Variants in MAF observed in about 807,000 individuals in gnomAD.
MAF encodes the protein MAF bZIP transcription factor.
In MAF, 10 loss-of-function variants were observed where a neutral mutation model predicts 22.0. That is an observed-to-expected ratio of 0.45 (90% CI 0.28 to 0.77). The LOEUF is 0.77. Ranked by LOEUF, MAF falls within the 30% of genes least tolerant of loss-of-function variation. MAF has a pLI of 0.12. For missense variants in MAF, 544 were observed against 548.4 expected, an observed-to-expected ratio of 0.99 and a Z score of 0.08; for synonymous variants, 337 against 255.8, an observed-to-expected ratio of 1.32 and a Z score of -3.03.
the MAF span, among the ~76,000 whole-genome samples, chr16:79,455,078 A>C: frequency 1.9e-3 from 292 of 151,812 alleles, no homozygotes; most frequent in African/African-American, 6.5e-3. Context: ...CCTGGGCAAC[A>C]AGAGCGAAAC....
chr16:79,505,499 C>T, the MAF span: 12 of 152,336 alleles, frequency 7.9e-5, no homozygotes, highest in Non-Finnish European at 1.8e-4. Flanking sequence ...GGGGAAGAGT[C>T]CTCTGATCAC....
the MAF span, among the ~76,000 whole-genome samples, chr16:79,226,555 C>A: frequency 2.2e-4 from 33 of 151,956 alleles, 1 homozygote. Context: ...ATGTTTATAA[C>A]CTATTAGATG....
chr16:79,552,876 T>C, the MAF span, among the ~76,000 whole-genome samples: 2 of 152,226 alleles, frequency 1.3e-5, no homozygotes, highest in Admixed American at 6.5e-5. Flanking sequence ...ATGATTCTAA[T>C]GCCATTGCAA....
chr16:79,392,159 G>A, the MAF span, among the ~76,000 whole-genome samples: 1 of 148,642 alleles, frequency 6.7e-6, no homozygotes, highest in African/African-American at 2.5e-5. Flanking sequence ...AGAGAGTGAA[G>A]GAAGGAGAGA....
At chr16:79,319,237 A>T in the MAF span, among the ~76,000 whole-genome samples, 4 of 152,190 alleles carry the variant, frequency 2.6e-5, no homozygotes, top group Non-Finnish European at 4.4e-5. Context: ...AAGCCCAGCC[A>T]ATTACTAAGC....
the MAF span, among the ~76,000 whole-genome samples, chr16:79,237,559 T>C: frequency 6.6e-6 from 1 of 152,090 alleles, no homozygotes; most frequent in Non-Finnish European, 1.5e-5. Context: ...ACACACCTCC[T>C]GGCCTTTCAG....
chr16:79,529,485 A>G, the MAF span, among the ~76,000 whole-genome samples: 3 of 152,210 alleles, frequency 2.0e-5, no homozygotes, highest in Admixed American at 2.0e-4. Flanking sequence ...ATCTATAATT[A>G]TTTCAAAATA....
chr16:79,548,987 AT>A, the MAF span, among the ~76,000 whole-genome samples: 3 of 152,172 alleles, frequency 2.0e-5, no homozygotes, highest in African/African-American at 7.2e-5. Context: ...ATGTATTATT[AT>A]TTTTTTAAGA....
the MAF span, among the ~76,000 whole-genome samples, chr16:79,426,591 G>A: frequency 5.9e-5 from 9 of 152,172 alleles, no homozygotes; most frequent in African/African-American, 2.2e-4. Flanking sequence ...AGAGTCAAGT[G>A]TGTGACCCAG....
At chr16:79,389,946 C>T in the MAF span, among the ~76,000 whole-genome samples, 1 of 121,630 alleles carries the variant, frequency 8.2e-6, no homozygotes, top group Non-Finnish European at 1.6e-5. Context: ...ACTGCACCTC[C>T]AGCACGGGCA....
At chr16:79,300,358 CA>C in the MAF span, among the ~76,000 whole-genome samples, 5 of 152,114 alleles carry the variant, frequency 3.3e-5, no homozygotes, top group Admixed American at 3.3e-4. Context: ...AGTTCGAGAC[CA>C]GCCTGACCAA....
At chr16:79,508,253 T>C in the MAF span, among the ~76,000 whole-genome samples, 1 of 152,162 alleles carries the variant, frequency 6.6e-6, no homozygotes, top group Non-Finnish European at 1.5e-5. Context: ...GGTGTCTGGA[T>C]TGGCTGAGCA....
chr16:79,355,279 T>A, the MAF span, among the ~76,000 whole-genome samples: 3 of 152,174 alleles, frequency 2.0e-5, no homozygotes, highest in African/African-American at 7.2e-5. Context: ...CTGAACTTGA[T>A]GGACATAGAG....
At chr16:79,308,440 A>G in the MAF span, among the ~76,000 whole-genome samples, 7 of 152,166 alleles carry the variant, frequency 4.6e-5, no homozygotes, top group Non-Finnish European at 1.0e-4. Flanking sequence ...AAATAACCTC[A>G]ATGAGCCTCT....
the MAF span, among the ~76,000 whole-genome samples, chr16:79,433,619 T>C: frequency 2.0e-5 from 3 of 152,096 alleles, no homozygotes; most frequent in African/African-American, 7.2e-5. Context: ...TTTCAGATTA[T>C]GATAGAAAAG....
chr16:79,304,611 G>A, the MAF span, among the ~76,000 whole-genome samples: 5 of 152,248 alleles, frequency 3.3e-5, no homozygotes, highest in African/African-American at 1.2e-4. Context: ...GAAAAAGAAA[G>A]GTGTTTTCTG....
chr16:79,247,416 C>T, the MAF span, among the ~76,000 whole-genome samples: 2 of 152,328 alleles, frequency 1.3e-5, no homozygotes, highest in East Asian at 3.9e-4. Context: ...ATCTCAATGG[C>T]TTTGTGTGTG....
the MAF span, among the ~76,000 whole-genome samples, chr16:79,434,986 C>T: frequency 2.6e-5 from 4 of 151,998 alleles, no homozygotes; most frequent in African/African-American, 7.3e-5. Context: ...GGCCCAGATC[C>T]GGCTGCTTAT....
chr16:79,260,501 A>ATCTATATCTATATCTATT, the MAF span, among the ~76,000 whole-genome samples: 1 of 141,248 alleles, frequency 7.1e-6, no homozygotes, highest in Non-Finnish European at 1.5e-5. Flanking sequence ...CTATATCTAT[A>ATCTATATCTATATCTATT]TCTATATATT....
Sources: gnomAD v4.1 joint callset for allele counts (sites outside exome capture counted in the v4.1 genomes callset) on GRCh38, gnomAD v4.1.1 for gene constraint, MANE v1.5 for transcripts, NCBI Gene and HGNC (gene_info 2026-07-23, HGNC 2026-07-21) for gene names.